The following TNFRSF8 variants were observed in gnomAD, a reference collection of about 807,000 sequenced individuals.
TNFRSF8 encodes the protein tumor necrosis factor receptor superfamily member 8.
A neutral mutation model predicts 70.8 loss-of-function variants in TNFRSF8; 26 were observed. The observed-to-expected ratio is 0.37, with a 90% confidence interval of 0.27 to 0.51. The LOEUF (loss-of-function observed/expected upper bound fraction) is 0.51. TNFRSF8 is among the 20% of genes least tolerant of loss of function. The probability of loss-of-function intolerance (pLI) is 0.94; values close to 1 mark genes in which losing one functional copy is unlikely to be tolerated. For missense variants in TNFRSF8, 720 were observed against 807.9 expected (o/e 0.89, Z 1.32); for synonymous variants, 356 against 339.2 (o/e 1.05, Z -0.54).
chr1:12,111,397 G>T (rs1004406170), intron 6 of TNFRSF8, among the ~76,000 whole-genome samples: 3 of 151,914 alleles, frequency 2.0e-5, no homozygotes, highest in Non-Finnish European at 4.4e-5. Flanking sequence ...GGCCAGGCTG[G>T]TCACAAACTC....
At position 12,119,230 on chromosome 1, in the gene TNFRSF8, C is replaced by T. The variant is rs889371429; in HGVS notation, c.946+3501C>T. Among the ~76,000 whole-genome samples the T allele has an allele frequency of 1.3e-5, 2 of 152,216 alleles. No homozygotes were observed. Among genetic ancestry groups the T allele is most frequent in the African/African-American group, 2.4e-5 (1 of 41,464 alleles). On this transcript the variant is annotated intron_variant, in intron 8 of 14. Transcript: ENST00000263932. This position sits in a 1 kb window ranked among gnomAD's most constrained non-coding sequence, Gnocchi z 4.4. ...CTTGATGTGGCTCTCCCAATGCAGA[C>T]ATTGGCACGTGCCAGGCCTCATGTC...
intron 8 of TNFRSF8, among the ~76,000 whole-genome samples, chr1:12,122,906 GC>G (rs1641858522): frequency 6.6e-6 from 1 of 152,054 alleles, no homozygotes; most frequent in East Asian, 2.0e-4. Flanking sequence ...TCAGCTCACT[GC>G]AGCCTCCACC....
intron 12 of TNFRSF8, 118 bp downstream of exon 12, chr1:12,126,354 G>A: frequency 3.3e-6 from 4 of 1,201,930 alleles, no homozygotes; most frequent in Non-Finnish European, 3.7e-6. Context: ...CTCCCTGTCT[G>A]TGGCTCCTGT....
Position 12,136,478 on chromosome 1 carries a change from G to A in TNFRSF8, c.1335+865G>A, listed in dbSNP as rs150414816. Among the ~76,000 whole-genome samples, 827 of 151,964 alleles carry A rather than the reference G, an allele frequency of 5.4e-3. 7 individuals are homozygous for A. The highest frequency in any genetic ancestry group is 0.028 in the East Asian group (145 of 5,168). On this transcript the variant is annotated intron_variant, in intron 13 of 14. Coordinates refer to ENST00000263932, the MANE Select transcript of TNFRSF8 (RefSeq NM_001243.5). ...AGCCTTGCCAACATAGTGAAACCCCGTCTCTACTAAAACTACAAAAAGTAT... is the reference window on the plus strand; with the variant it reads ...AGCCTTGCCAACATAGTGAAACCCCATCTCTACTAAAACTACAAAAAGTAT...
At chr1:12,074,624 C>T (rs998480474) in intron 1 of TNFRSF8, among the ~76,000 whole-genome samples, 1 of 152,136 alleles carries the variant, frequency 6.6e-6, no homozygotes, top group African/African-American at 2.4e-5. Flanking sequence ...AAAAAAGGTT[C>T]TATGGCCAAC....
chr1:12,076,464 C>A (rs553308523), intron 1 of TNFRSF8, among the ~76,000 whole-genome samples: 2 of 152,184 alleles, frequency 1.3e-5, no homozygotes, highest in South Asian at 4.1e-4. Context: ...TTTCTTCTTT[C>A]TTCAACTCTT....
At position 12,123,820 on chromosome 1, in the gene TNFRSF8, G is replaced by T; in HGVS notation, c.1146G>T (p.Leu382=). The change falls in exon 10 of 15, where the codon CTG becomes CTT. Residue 382 remains leucine (L), a synonymous_variant. Transcript: ENST00000263932. ...VALSSTGKPV[L]DAGPVLFWVI... ...TCTCCTCCACGGGGAAGCCCGTTCT[G>T]GATGCAGGTAATGGTCCCAGCCCAC... 1 of 1,564,726 alleles carries T rather than the reference G, an allele frequency of 6.4e-7. No individual in the cohort carries two copies. The highest frequency in any genetic ancestry group is 8.7e-7 in the Non-Finnish European group (1 of 1,153,992).
At position 12,126,163 on chromosome 1, in the gene TNFRSF8, T is replaced by C; in HGVS notation, c.1256-20T>C. 6.2e-7 allele frequency: 1 copy of C among 1,614,106 alleles called. No individual in the cohort carries two copies. The stretch of plus-strand genomic sequence containing the variant: ...TCTCTGAGGCCGCCACCCCCAGCCT[T>C]CCTCCTGGTGTCGTTTCAGAGCTCC... On this transcript the variant is annotated intron_variant, in intron 11 of 14. Coordinates refer to ENST00000263932, the MANE Select transcript of TNFRSF8 (RefSeq NM_001243.5).
At chr1:12,068,173 G>A (rs1294972885) in intron 1 of TNFRSF8, among the ~76,000 whole-genome samples, 1 of 152,130 alleles carries the variant, frequency 6.6e-6, no homozygotes. Flanking sequence ...TTCACATCAG[G>A]ACAATCATCA....
chr1:12,072,450 G>T (rs150266666), intron 1 of TNFRSF8, among the ~76,000 whole-genome samples: 94 of 152,226 alleles, frequency 6.2e-4, no homozygotes, highest in African/African-American at 2.2e-3. Flanking sequence ...GTAGGGGAAG[G>T]AGCCTCCAGA....
At chr1:12,135,510 C>T (rs1570084340) in intron 12 of TNFRSF8, 78 bp from the exon 13 acceptor site, 3 of 1,340,850 alleles carry the variant, frequency 2.2e-6, no homozygotes, top group Non-Finnish European at 3.0e-6. Flanking sequence ...CCAGGAGGAC[C>T]ATTTGCCAAT....
chr1:12,099,253 C>T (rs554276282), intron 3 of TNFRSF8, among the ~76,000 whole-genome samples: 5 of 151,994 alleles, frequency 3.3e-5, no homozygotes, highest in South Asian at 4.2e-4. Flanking sequence ...TGGATTCGAG[C>T]GATTCTCCTG....
Position 12,108,081 on chromosome 1 carries a change from TA to T in TNFRSF8, c.422-1484del, listed in dbSNP as rs1349449547. Among the ~76,000 whole-genome samples, 2 of 151,074 alleles carry T rather than the reference TA, an allele frequency of 1.3e-5. No individual in the cohort carries two copies. Among genetic ancestry groups the T allele is most frequent in the Non-Finnish European group, 3.0e-5 (2 of 67,760 alleles). On this transcript the variant is annotated intron_variant, in intron 4 of 14. Transcript: ENST00000263932. This position sits in a 1 kb window ranked among gnomAD's most constrained non-coding sequence, Gnocchi z 4.0. Reference sequence around the variant, plus strand: ...CCACACATACAGGCCACCATTTTTTTATTTTTTTTTTTTTTGTGATGGAGCC... The same window carrying T: ...CCACACATACAGGCCACCATTTTTTTTTTTTTTTTTTTTTGTGATGGAGCC...
chr1:12,100,393 AAATT>A (rs1173567352), intron 3 of TNFRSF8, among the ~76,000 whole-genome samples: 4 of 152,048 alleles, frequency 2.6e-5, no homozygotes, highest in African/African-American at 9.7e-5. Flanking sequence ...CTTCAATAAT[AAATT>A]AAACAACTTT....
Position 12,076,102 on chromosome 1 carries a change from T to C in TNFRSF8, c.64-8362T>C, listed in dbSNP as rs993472171. Among the ~76,000 whole-genome samples, 10 of 86,948 alleles carry C rather than the reference T, an allele frequency of 1.2e-4. No homozygotes were observed. The African/African-American group carries it at 1.2e-3, about 11-fold the overall frequency. 57.0% of individuals were successfully genotyped at this position (86,948 alleles called of 152,430 possible). ...GGTTTTATTCTTTTTTTTTTCTTTT[T>C]CTTTTTTTTTTTTTTGAGATGGGGT... On this transcript the variant is annotated intron_variant, in intron 1 of 14. Coordinates refer to ENST00000263932, the MANE Select transcript of TNFRSF8 (RefSeq NM_001243.5).
At chr1:12,137,840 C>T (rs1045179430) in intron 13 of TNFRSF8, among the ~76,000 whole-genome samples, 3 of 151,980 alleles carry the variant, frequency 2.0e-5, no homozygotes, top group Admixed American at 2.0e-4. Context: ...AATCCTAGCT[C>T]AGATACTTAT....
chr1:12,116,173 G>A (rs1396530592), intron 8 of TNFRSF8, among the ~76,000 whole-genome samples: 1 of 152,012 alleles, frequency 6.6e-6, no homozygotes, highest in Non-Finnish European at 1.5e-5. Context: ...AAGAGATGCG[G>A]TTTCTCCATG....
chr1:12,073,958 T>C (rs1432286070), intron 1 of TNFRSF8, among the ~76,000 whole-genome samples: 1 of 151,768 alleles, frequency 6.6e-6, no homozygotes, highest in Non-Finnish European at 1.5e-5. Context: ...GGGAACGTAC[T>C]TCAGGGCTGG....
rs74788878 is a variant in TNFRSF8, at chr1:12,089,348, C to T, written c.151+4797C>T. The stretch of plus-strand genomic sequence containing the variant: ...GAATGAATGAATATGGCTAACTTGC[C>T]CCGCATACTCTTCTGTGACAGCCAG... On this transcript the variant is annotated intron_variant, in intron 2 of 14. Coordinates refer to ENST00000263932, the MANE Select transcript of TNFRSF8 (RefSeq NM_001243.5). Among the ~76,000 whole-genome samples the T allele has an allele frequency of 7.5e-4, 114 of 152,232 alleles. 1 individual carries two copies. The highest frequency in any genetic ancestry group is 2.6e-3 in the African/African-American group (110 of 41,524).
Sources: gnomAD v4.1 joint callset for allele counts (sites outside exome capture counted in the v4.1 genomes callset) on GRCh38, gnomAD v4.1.1 for gene constraint, Gnocchi (gnomAD v3.1) non-coding constraint, MANE v1.5 for transcripts, NCBI Gene and HGNC (gene_info 2026-07-23, HGNC 2026-07-21) for gene names.